The following JAKMIP1 variants were observed in gnomAD, a reference collection of about 807,000 sequenced individuals.
The protein encoded by JAKMIP1 is janus kinase and microtubule-interacting protein 1.
In JAKMIP1, 33 loss-of-function variants were observed where a neutral mutation model predicts 113.0. The observed-to-expected ratio is 0.29, with a 90% CI of 0.22 to 0.39. The LOEUF (loss-of-function observed/expected upper bound fraction) is 0.39. JAKMIP1 is among the 10% of genes least tolerant of loss of function. The probability of loss-of-function intolerance (pLI) is 1.00; values close to 1 mark genes in which losing one functional copy is unlikely to be tolerated. For missense variants in JAKMIP1, 813 were observed against 1,080.5 expected (o/e 0.75, Z 3.47); for synonymous variants, 480 against 459.9 (o/e 1.04, Z -0.56).
rs1720354539 is a variant in JAKMIP1, at chr4:6,080,543, T to C, written c.1102-231A>G. Among the ~76,000 whole-genome samples the C allele has an allele frequency of 1.3e-5, 2 of 152,152 alleles. No homozygotes were observed. Among genetic ancestry groups the C allele is most frequent in the African/African-American group, 2.4e-5 (1 of 41,438 alleles). The stretch of plus-strand genomic sequence containing the variant: ...GGCCAGGTGGGAGATCATTGAATCA[T>C]GGTGGCGGTTTCTCTCATACTATTC... On this transcript the variant is annotated intron_variant, in intron 6 of 20. Transcript: ENST00000409021. This position sits in a 1 kb window ranked among gnomAD's most constrained non-coding sequence, Gnocchi z 6.0.
At chr4:6,114,591 G>A (rs1468789151) in intron 1 of JAKMIP1, among the ~76,000 whole-genome samples, 2 of 152,252 alleles carry the variant, frequency 1.3e-5, no homozygotes, top group Admixed American at 1.3e-4. Context: ...CTGGGAGGCA[G>A]TGATGGAGGT....
chr4:6,154,635 G>A lies in JAKMIP1; in HGVS notation c.-147-41638C>T, dbSNP rs1340209776. Among the ~76,000 whole-genome samples the A allele has an allele frequency of 2.6e-5, 4 of 151,714 alleles. No homozygotes were observed. Among genetic ancestry groups the A allele is most frequent in the Admixed American group, 6.6e-5 (1 of 15,226 alleles). ...GCCCAACACGCACAGCCCACTGCACGCAGGGACTGTGCCCAACTCTGCAGC... is the reference window on the plus strand; with the variant it reads ...GCCCAACACGCACAGCCCACTGCACACAGGGACTGTGCCCAACTCTGCAGC... On this transcript the variant is annotated intron_variant, in intron 1 of 20. Transcript: ENST00000409021. This position sits in a 1 kb window ranked among gnomAD's most constrained non-coding sequence, Gnocchi z 4.2.
chr4:6,068,587 T>C (rs1192179708), intron 8 of JAKMIP1, among the ~76,000 whole-genome samples: 1 of 146,826 alleles, frequency 6.8e-6, no homozygotes, highest in South Asian at 2.2e-4. Context: ...AGACAGAATC[T>C]CCTTCTGTCG....
chr4:6,198,156 T>C (rs556554986), intron 1 of JAKMIP1, among the ~76,000 whole-genome samples: 11 of 152,174 alleles, frequency 7.2e-5, no homozygotes, highest in Non-Finnish European at 1.3e-4. Context: ...CACAAACAAA[T>C]ATCACACTGT....
chr4:6,091,358 A>T (rs1877767), intron 3 of JAKMIP1, among the ~76,000 whole-genome samples: 135,049 of 151,968 alleles, frequency 0.89, 61,365 homozygotes, highest in East Asian at 1. Context: ...TACACAGAGT[A>T]TTTTTTCCCC....
At chr4:6,041,177 CA>C (rs1380371480) in intron 17 of JAKMIP1, among the ~76,000 whole-genome samples, 1 of 152,190 alleles carries the variant, frequency 6.6e-6, no homozygotes, top group Non-Finnish European at 1.5e-5. Flanking sequence ...ATACCTGGGT[CA>C]CTGTCTAAGA....
In JAKMIP1 at chr4:6,105,703, G is replaced by T; in HGVS notation, c.394C>A (p.Leu132Met). Residue 132 changes from leucine to methionine, a missense_variant, in exon 3 of 21, where the codon CTG (leucine) becomes ATG (methionine). By Grantham distance (15) the Leu-to-Met change is conservative. Transcript: ENST00000409021. ...DGAADKVKTA[L>M]LTEAREEARR... ...GCCTCCTCGCGCGCCTCGGTCAGCA[G>T]CGCCGTCTTGACCTTGTCGGCCGCG... is the stretch of plus-strand genomic sequence containing the variant. The T allele has an allele frequency of 6.2e-7, 1 of 1,603,532 alleles. No homozygotes were observed. The highest frequency in any genetic ancestry group is 1.1e-5 in the South Asian group (1 of 90,492).
chr4:6,174,242 G>A (rs1186347155), intron 1 of JAKMIP1, among the ~76,000 whole-genome samples: 1 of 152,202 alleles, frequency 6.6e-6, no homozygotes, highest in Non-Finnish European at 1.5e-5. Context: ...AAGAGCAGTT[G>A]TAAACAGGAT....
At chr4:6,128,414 G>T (rs59325913) in intron 1 of JAKMIP1, among the ~76,000 whole-genome samples, 1,845 of 152,294 alleles carry the variant, frequency 0.012, 37 homozygotes, top group African/African-American at 0.042. Flanking sequence ...GGGCCCAGGG[G>T]CTGCAAGCAG....
chr4:6,053,940 TC>T (rs1715997631), intron 13 of JAKMIP1, 109 bp downstream of exon 13: 1 of 1,569,336 alleles, frequency 6.4e-7, no homozygotes, highest in African/African-American at 1.4e-5. Flanking sequence ...CTATAACATG[TC>T]CCCTTTACAC....
intron 1 of JAKMIP1, among the ~76,000 whole-genome samples, chr4:6,169,177 G>A (rs1426136177): frequency 6.6e-6 from 1 of 152,092 alleles, no homozygotes; most frequent in East Asian, 1.9e-4. Context: ...TTCATGTATT[G>A]GGTTGAATAG....
chr4:6,175,523 G>A (rs1725247312), intron 1 of JAKMIP1, among the ~76,000 whole-genome samples: 1 of 152,228 alleles, frequency 6.6e-6, no homozygotes, highest in African/African-American at 2.4e-5. Context: ...GACACTGAGG[G>A]ATAAGGAGTC....
At chr4:6,101,997 G>A (rs1370500009) in intron 3 of JAKMIP1, among the ~76,000 whole-genome samples, 1 of 151,430 alleles carries the variant, frequency 6.6e-6, no homozygotes, top group African/African-American at 2.4e-5. Context: ...TCTATACTAA[G>A]TCTTCTAATC....
intron 20 of JAKMIP1, among the ~76,000 whole-genome samples, chr4:6,028,670 A>G (rs1195800885): frequency 6.6e-6 from 1 of 152,146 alleles, no homozygotes; most frequent in Non-Finnish European, 1.5e-5. Context: ...CCTCAGACAC[A>G]TAAAGCCCAG....
At chr4:6,144,856 A>T (rs957926878) in intron 1 of JAKMIP1, among the ~76,000 whole-genome samples, 2 of 152,220 alleles carry the variant, frequency 1.3e-5, no homozygotes, top group African/African-American at 4.8e-5. Flanking sequence ...TCTATTCAAC[A>T]TTGGACTTGA....
At chr4:6,121,905 T>A (rs1716771887) in intron 1 of JAKMIP1, among the ~76,000 whole-genome samples, 1 of 152,202 alleles carries the variant, frequency 6.6e-6, no homozygotes, top group Admixed American at 6.5e-5. Context: ...TGCCACCTAT[T>A]AAATGGAAAA....
At chr4:6,083,620 AC>A (rs1160668719) in intron 5 of JAKMIP1, among the ~76,000 whole-genome samples, 56 of 152,090 alleles carry the variant, frequency 3.7e-4, no homozygotes, top group African/African-American at 1.2e-3. Flanking sequence ...AAAAAAAAAA[AC>A]ATTTAAAAAT....
chr4:6,182,005 G>A (rs961817481), intron 1 of JAKMIP1, among the ~76,000 whole-genome samples: 2 of 152,136 alleles, frequency 1.3e-5, no homozygotes, highest in Non-Finnish European at 2.9e-5. Flanking sequence ...TAAGGTAAGG[G>A]ACAGTGTTAT....
intron 5 of JAKMIP1, among the ~76,000 whole-genome samples, chr4:6,083,879 T>A (rs1720925786): frequency 6.6e-6 from 1 of 152,222 alleles, no homozygotes; most frequent in Non-Finnish European, 1.5e-5. Flanking sequence ...CTATTTTTAC[T>A]GGAGATTTCT....
Sources: gnomAD v4.1 joint callset for allele counts (sites outside exome capture counted in the v4.1 genomes callset) on GRCh38, gnomAD v4.1.1 for gene constraint, Gnocchi (gnomAD v3.1) non-coding constraint, MANE v1.5 for transcripts, NCBI Gene and HGNC (gene_info 2026-07-23, HGNC 2026-07-21) for gene names.